The following GGT1 variants were observed in gnomAD, a reference collection of about 807,000 sequenced individuals.
GGT1 encodes gamma-glutamyltransferase 1.
GGT1 carries 21 observed loss-of-function variants against 56.0 expected under a neutral mutation model. That is an observed-to-expected ratio of 0.38 (90% CI 0.27 to 0.54). GGT1 has a LOEUF of 0.54. Among genes scored for constraint, GGT1 ranks in the 20% least tolerant of loss-of-function variants. The pLI, the probability that GGT1 is intolerant of heterozygous loss-of-function variation, is 0.82. For missense variants in GGT1, 466 were observed against 787.0 expected, an observed-to-expected ratio of 0.59 and a Z score of 4.88; for synonymous variants, 238 against 342.6, an observed-to-expected ratio of 0.69 and a Z score of 3.37.
At chr22:24,612,953 A>G (rs1474230233) in intron 5 of GGT1, among the ~76,000 whole-genome samples, 2 of 151,982 alleles carry the variant, frequency 1.3e-5, no homozygotes, top group East Asian at 3.8e-4. Flanking sequence ...AGCTTCCTAA[A>G]GTGCTGGGAT....
At chr22:24,612,947 T>C (rs1390182635) in intron 5 of GGT1, among the ~76,000 whole-genome samples, 3 of 152,020 alleles carry the variant, frequency 2.0e-5, no homozygotes, top group Non-Finnish European at 4.4e-5. Context: ...CGCCTCAGCT[T>C]CCTAAAGTGC....
chr22:24,589,437 GC>G, the GGT1 span: 1 of 932,416 alleles, frequency 1.1e-6, no homozygotes, highest in Non-Finnish European at 1.3e-6. Context: ...CTCTCTTCTG[GC>G]CCAGGAATTC....
At position 24,628,181 on chromosome 22, in the gene GGT1, G is replaced by A. The variant is rs370321751; in HGVS notation, c.1437G>A (p.Thr479=). 7.0e-4 allele frequency: 1,128 copies of A among 1,611,448 alleles called. No homozygotes were observed. The highest frequency in any genetic ancestry group is 8.3e-4 in the Non-Finnish European group (973 of 1,179,328). ...VGAAGGTQIT[T]ATALAIIYNL... is the part of the protein sequence containing the mutation. The stretch of plus-strand genomic sequence containing the variant: ...CTGCTGGGGGCACACAGATCACCAC[G>A]GCCACTGCACTGGTATGTGTCACAC... The change falls in exon 14 of 16, where the codon ACG becomes ACA. Residue 479 remains threonine, a synonymous_variant. Coordinates refer to ENST00000400382, the MANE Select transcript of GGT1 (RefSeq NM_001288833.2). The surrounding 1 kb of genome is among the most constrained non-coding windows in gnomAD (Gnocchi z 5.7).
In GGT1 at chr22:24,607,560, C is replaced by T. The variant is rs1271954704; in HGVS notation, c.-428-394C>T. 1.5e-4 allele frequency: 23 copies of T among 155,458 alleles called. No homozygotes were observed. In the South Asian group the frequency reaches 2.4e-3, roughly 16 times the overall value. The allele number at this position is 155,458 out of a possible 1,614,324, so 9.6% of individuals were successfully genotyped here. Reference sequence around the variant, plus strand: ...GAACTTTAGTCACGTGGTGACAGGCCGAGTCACCATGCCAAGTCACTGTGC... The same window carrying T: ...GAACTTTAGTCACGTGGTGACAGGCTGAGTCACCATGCCAAGTCACTGTGC... On this transcript the variant is annotated intron_variant, in intron 1 of 15. Transcript: ENST00000400382.
chr22:24,596,598 C>T (rs1275754054), intron 1 of GGT1, among the ~76,000 whole-genome samples: 1 of 152,090 alleles, frequency 6.6e-6, no homozygotes, highest in Non-Finnish European at 1.5e-5. Flanking sequence ...CTCACATGGC[C>T]TCCTTGTAAT....
In GGT1 at chr22:24,620,411, C is replaced by G; in HGVS notation, c.466C>G (p.Leu156Val). The G allele has an allele frequency of 6.2e-7, 1 of 1,611,382 alleles. No individual in the cohort carries two copies. The highest frequency in any genetic ancestry group is 1.1e-5 in the South Asian group (1 of 90,976). The change falls in exon 8 of 16, where the codon CTC becomes GTC. Residue 156 changes from leucine (L) to valine (V), a missense_variant. By Grantham distance (32) the Leu-to-Val change is conservative. Around this residue, in one of 2 missense-constraint regions of GGT1, gnomAD observed 456 missense variants for 716.7 expected, o/e 0.64. Transcript: ENST00000400382. The surrounding 1 kb of genome is among the most constrained non-coding windows in gnomAD (Gnocchi z 5.6). ...QRHGRLPWAR[L>V]FQPSIQLARQ... ...GCATGGGCGGCTGCCCTGGGCTCGC[C>G]TCTTCCAGCCCAGCATCCAGCTGGC...
intron 5 of GGT1, among the ~76,000 whole-genome samples, chr22:24,612,097 C>T (rs1424566645): frequency 6.6e-6 from 1 of 151,984 alleles, no homozygotes; most frequent in Non-Finnish European, 1.5e-5. Context: ...AGCCACTGCT[C>T]CTGGCCTAAT....
At chr22:24,600,911 C>T (rs1487766187), upstream of GGT1, among the ~76,000 whole-genome samples, 1 of 152,254 alleles carries the variant, frequency 6.6e-6, no homozygotes, top group Non-Finnish European at 1.5e-5. Context: ...CAGAGTCCCA[C>T]TATCTTTGGA....
upstream of GGT1, chr22:24,589,830 G>T (rs1484030535): frequency 6.2e-7 from 1 of 1,612,690 alleles, no homozygotes; most frequent in Admixed American, 1.7e-5. Context: ...CCTTCTTGGG[G>T]CACTGCAGGT....
chr22:24,614,630 A>G (rs78365084), intron 5 of GGT1, 146 bp from the exon 6 acceptor site: 13 of 715,376 alleles, frequency 1.8e-5, no homozygotes, highest in Non-Finnish European at 2.8e-5. Context: ...AAAAAAAAAA[A>G]AGAAAGAAAG....
At position 24,617,693 on chromosome 22, in the gene GGT1, C is replaced by T. The variant is rs976041984; in HGVS notation, c.382+2566C>T. ...CAGGTTGAGCAGACACTCAGGAGCTCGGTTTTGGGCACGTTGAAGTTTGAG... is the reference window on the plus strand; with the variant it reads ...CAGGTTGAGCAGACACTCAGGAGCTTGGTTTTGGGCACGTTGAAGTTTGAG... On this transcript the variant is annotated intron_variant, in intron 7 of 15. Transcript: ENST00000400382. Among the ~76,000 whole-genome samples the T allele has an allele frequency of 7.2e-5, 11 of 151,850 alleles. No individual in the cohort carries two copies. The South Asian group carries it at 1.7e-3, about 23-fold the overall frequency.
chr22:24,585,709 C>G, the GGT1 span: 2 of 722,704 alleles, frequency 2.8e-6, no homozygotes, highest in Non-Finnish European at 4.4e-6. Flanking sequence ...GGCTGAGCCT[C>G]TAGCCAGGGC....
chr22:24,614,429 A>T (rs1297454080), intron 5 of GGT1, among the ~76,000 whole-genome samples: 2 of 149,840 alleles, frequency 1.3e-5, no homozygotes, highest in Non-Finnish European at 3.0e-5. Flanking sequence ...CAGCCTGGCC[A>T]ACATGGTGAA....
chr22:24,586,530 T>G, the GGT1 span: 1 of 1,091,632 alleles, frequency 9.2e-7, no homozygotes, highest in Non-Finnish European at 1.3e-6. Context: ...AGATTCAAAC[T>G]GTGTCTTTCG....
chr22:24,606,875 TC>T lies in GGT1; in HGVS notation c.-428-1077del. ...CCTCAGGTGGAGGCTGCAGGGGCTC[TC>T]CGGCACCGTAGACACAGCAGGCCCA... On this transcript the variant is annotated intron_variant, in intron 1 of 15. Transcript: ENST00000400382. 2.0e-5 allele frequency among the ~76,000 whole-genome samples: 3 copies of T among 151,694 alleles called. No individual in the cohort carries two copies. In the Middle Eastern group the frequency reaches 0.01, roughly 516 times the overall value.
In GGT1 at chr22:24,614,869, G is replaced by A. The variant is rs768640734; in HGVS notation, c.258G>A (p.Gly86=). ...GLMNAHSMGI[G]GGLFLTIYNS... ...TGAATGCCCACAGCATGGGCATCGG[G>A]GGTGGCCTCTTCCTCACCATCTACA... The change falls in exon 6 of 16, where the codon GGG becomes GGA. Residue 86 remains glycine (G), a synonymous_variant. Transcript: ENST00000400382. 1 of 1,613,104 alleles carries A rather than the reference G, an allele frequency of 6.2e-7. No individual in the cohort carries two copies. The highest frequency in any genetic ancestry group is 1.3e-5 in the African/African-American group (1 of 74,916).
At position 24,627,546 on chromosome 22, in the gene GGT1, G is replaced by C. The variant is rs372075694; in HGVS notation, c.1135G>C (p.Gly379Arg). The part of the protein sequence containing the change: ...YKPEFYTPDD[G>R]GTAHLSVVAE... Reference sequence around the variant, plus strand: ...GCCCGAGTTCTACACGCCGGATGACGGGGGCACTGCTCACCTGTCTGTCGT... The same window carrying C: ...GCCCGAGTTCTACACGCCGGATGACCGGGGCACTGCTCACCTGTCTGTCGT... The change falls in exon 12 of 16, where the codon GGG becomes CGG. Residue 379 changes from glycine (G) to arginine (R), a missense_variant. Gly to Arg is a moderately radical substitution (Grantham distance 125, BLOSUM62 -2). Around this residue, in one of 2 missense-constraint regions of GGT1, gnomAD observed 456 missense variants for 716.7 expected, o/e 0.64. Coordinates refer to ENST00000400382, the MANE Select transcript of GGT1 (RefSeq NM_001288833.2). 7 of 1,611,628 alleles carry C rather than the reference G, an allele frequency of 4.3e-6. No homozygotes were observed. The South Asian group carries it at 7.7e-5, about 18-fold the overall frequency.
At chr22:24,602,781 C>G (rs920143987), upstream of GGT1, among the ~76,000 whole-genome samples, 2 of 152,284 alleles carry the variant, frequency 1.3e-5, no homozygotes, top group Admixed American at 1.3e-4. Context: ...GAGGCATCCC[C>G]TGCCCTGGGG....
chr22:24,586,023 T>G, the GGT1 span: 19 of 1,610,842 alleles, frequency 1.2e-5, no homozygotes, highest in African/African-American at 2.7e-5. Flanking sequence ...GGGAGTGAGG[T>G]GCGCTGGCTC....
Sources: gnomAD v4.1 joint callset for allele counts (sites outside exome capture counted in the v4.1 genomes callset) on GRCh38, gnomAD v4.1.1 for gene constraint, gnomAD v4.1.1 regional missense constraint, Gnocchi (gnomAD v3.1) non-coding constraint, MANE v1.5 for transcripts, NCBI Gene and HGNC (gene_info 2026-07-23, HGNC 2026-07-21) for gene names.